Variants in SAMD5 observed in about 807,000 individuals in gnomAD.
The protein encoded by SAMD5 is sterile alpha motif domain containing 5, also known as sterile alpha motif domain-containing protein 5.
Under a neutral mutation model 11.3 loss-of-function variants are expected in SAMD5, and 13 were observed. The ratio of observed to expected loss-of-function variants is 1.15; its 90% CI spans 0.75 to 1.83. SAMD5 has a LOEUF of 1.83. Among genes scored for constraint, SAMD5 ranks in the 40% most tolerant of loss-of-function variants. The pLI is 0.00. For missense variants in SAMD5, 255 were observed against 239.1 expected (o/e 1.07, Z -0.44); for synonymous variants, 129 against 111.3 (o/e 1.16, Z -1.00).
chr6:147,788,447 A>G, the SAMD5 span, among the ~76,000 whole-genome samples: 1 of 152,206 alleles, frequency 6.6e-6, no homozygotes, highest in Non-Finnish European at 1.5e-5. Context: ...AAGTATTTGC[A>G]TTTTTTCCCA....
At chr6:147,768,886 C>T in the SAMD5 span, among the ~76,000 whole-genome samples, 2 of 152,108 alleles carry the variant, frequency 1.3e-5, no homozygotes, top group Non-Finnish European at 2.9e-5. Context: ...CTCCGCCTCC[C>T]AGGTTCAAGC....
chr6:147,665,009 GGGGAATCAT>G (rs1358992525), intron 1 of SAMD5, among the ~76,000 whole-genome samples: 46 of 152,182 alleles, frequency 3.0e-4, no homozygotes, highest in African/African-American at 1.1e-3. Flanking sequence ...AGAAACAAGT[GGGGAATCAT>G]TCAACCTTGT....
chr6:147,917,857 C>T, the SAMD5 span, among the ~76,000 whole-genome samples: 1 of 152,122 alleles, frequency 6.6e-6, no homozygotes, highest in Non-Finnish European at 1.5e-5. Context: ...TGTCAAAGAT[C>T]AGATGGTTGT....
chr6:147,862,839 A>C, the SAMD5 span, among the ~76,000 whole-genome samples: 1 of 152,108 alleles, frequency 6.6e-6, no homozygotes, highest in Non-Finnish European at 1.5e-5. Flanking sequence ...CCTAAATGTG[A>C]TATATGTTCT....
At chr6:147,659,621 A>C (rs2128454258) in intron 1 of SAMD5, among the ~76,000 whole-genome samples, 1 of 152,368 alleles carries the variant, frequency 6.6e-6, no homozygotes, top group South Asian at 2.1e-4. Context: ...CCCAAAGTAT[A>C]CAAGAATGAG....
the SAMD5 span, among the ~76,000 whole-genome samples, chr6:147,856,081 A>C: frequency 1.3e-5 from 2 of 152,228 alleles, no homozygotes; most frequent in African/African-American, 4.8e-5. Flanking sequence ...ATACAATGGA[A>C]TACTGCTCAG....
intron 1 of SAMD5, among the ~76,000 whole-genome samples, chr6:147,599,443 C>A (rs180794067): frequency 1.3e-5 from 2 of 152,210 alleles, no homozygotes; most frequent in African/African-American, 4.8e-5. Flanking sequence ...TATTAAAGTA[C>A]AAATTCTAAT....
chr6:147,919,835 T>G, the SAMD5 span, among the ~76,000 whole-genome samples: 2 of 152,216 alleles, frequency 1.3e-5, no homozygotes, highest in Non-Finnish European at 2.9e-5. Context: ...ACATCTGTCC[T>G]CCTTTGAGGC....
chr6:147,951,761 C>T, the SAMD5 span, among the ~76,000 whole-genome samples: 1 of 152,204 alleles, frequency 6.6e-6, no homozygotes, highest in Non-Finnish European at 1.5e-5. Context: ...TATAGAGCCA[C>T]AGTCCCAAAG....
At chr6:147,671,503 A>G (rs1790795110) in intron 1 of SAMD5, among the ~76,000 whole-genome samples, 1 of 152,234 alleles carries the variant, frequency 6.6e-6, no homozygotes, top group Admixed American at 6.5e-5. Context: ...TTACTAAGTC[A>G]AGGTTTAAGC....
the SAMD5 span, among the ~76,000 whole-genome samples, chr6:147,867,115 C>CA: frequency 3.3e-5 from 5 of 152,076 alleles, no homozygotes; most frequent in Non-Finnish European, 7.4e-5. Context: ...TTTACAAACA[C>CA]ACTGCTGTTG....
the SAMD5 span, among the ~76,000 whole-genome samples, chr6:147,754,976 A>G: frequency 1.1e-4 from 17 of 152,084 alleles, no homozygotes; most frequent in African/African-American, 3.9e-4. Flanking sequence ...CTGTAGTATA[A>G]TTTGAAGTCA....
the SAMD5 span, among the ~76,000 whole-genome samples, chr6:147,803,616 A>G: frequency 6.6e-6 from 1 of 152,188 alleles, no homozygotes; most frequent in Non-Finnish European, 1.5e-5. Flanking sequence ...TTATAATCCC[A>G]TGCTATCTTT....
At chr6:147,518,843 G>A (rs1305225249) in intron 1 of SAMD5, among the ~76,000 whole-genome samples, 1 of 152,214 alleles carries the variant, frequency 6.6e-6, no homozygotes, top group Non-Finnish European at 1.5e-5. Flanking sequence ...ATCAGCCACT[G>A]ATTTGGACTT....
At chr6:147,658,342 T>G (rs1230086972) in intron 1 of SAMD5, among the ~76,000 whole-genome samples, 1 of 152,212 alleles carries the variant, frequency 6.6e-6, no homozygotes, top group Non-Finnish European at 1.5e-5. Context: ...GTGCCCAAGG[T>G]GCAAGCTCAC....
At chr6:147,538,924 T>G (rs1788555274) in intron 1 of SAMD5, among the ~76,000 whole-genome samples, 1 of 152,166 alleles carries the variant, frequency 6.6e-6, no homozygotes, top group Admixed American at 6.5e-5. Flanking sequence ...TAATCAGAGC[T>G]TTTTTATATA....
At chr6:147,599,830 A>G (rs1367206883) in intron 1 of SAMD5, among the ~76,000 whole-genome samples, 1 of 152,136 alleles carries the variant, frequency 6.6e-6, no homozygotes, top group African/African-American at 2.4e-5. Flanking sequence ...ATTTACATGT[A>G]TTTTACTGGA....
At chr6:147,530,081 G>A (rs1489842593) in intron 1 of SAMD5, among the ~76,000 whole-genome samples, 1 of 152,102 alleles carries the variant, frequency 6.6e-6, no homozygotes, top group African/African-American at 2.4e-5. Context: ...ATATGGGGAC[G>A]ATTTTTTCCC....
chr6:147,856,088 T>G, the SAMD5 span, among the ~76,000 whole-genome samples: 1 of 152,162 alleles, frequency 6.6e-6, no homozygotes, highest in Non-Finnish European at 1.5e-5. Flanking sequence ...GGAATACTGC[T>G]CAGTAATAAA....
Sources: gnomAD v4.1 joint callset for allele counts (sites outside exome capture counted in the v4.1 genomes callset) on GRCh38, gnomAD v4.1.1 for gene constraint, MANE v1.5 for transcripts, NCBI Gene and HGNC (gene_info 2026-07-23, HGNC 2026-07-21) for gene names.